Variants in NRG3 observed in about 807,000 individuals in gnomAD.
NRG3 encodes neuregulin 3.
NRG3 carries 31 observed loss-of-function variants against 66.9 expected under a neutral mutation model. That is an observed-to-expected ratio of 0.46 (90% confidence interval 0.35 to 0.63). The LOEUF is 0.63. Among genes scored for constraint, NRG3 ranks in the 20% least tolerant of loss-of-function variants. The pLI is 0.00. For synonymous variants in NRG3, 393 were observed against 359.4 expected (o/e 1.09, Z -1.06); for missense variants, 910 against 878.9 (o/e 1.04, Z -0.45).
chr10:82,028,384 T>G (rs1203778367), intron 1 of NRG3, among the ~76,000 whole-genome samples: 1 of 152,138 alleles, frequency 6.6e-6, no homozygotes, highest in Non-Finnish European at 1.5e-5. Context: ...GTTTGTTGCC[T>G]TCTGCTCTTC....
chr10:82,486,303 T>C (rs1328979062), intron 2 of NRG3, among the ~76,000 whole-genome samples: 2 of 152,226 alleles, frequency 1.3e-5, no homozygotes, highest in African/African-American at 4.8e-5. Context: ...TTCAAAGAGA[T>C]ATTTGTACTC....
intron 8 of NRG3, among the ~76,000 whole-genome samples, chr10:82,983,691 A>G (rs1281778496): frequency 6.6e-6 from 1 of 152,232 alleles, no homozygotes; most frequent in Non-Finnish European, 1.5e-5. Flanking sequence ...AGTTAATTGG[A>G]GTTGAAAGTG....
rs556484042 is a variant in NRG3 at position 82,322,066 on chromosome 10, T to A, written c.824-36673T>A. On this transcript the variant is annotated intron_variant, in intron 1 of 8. Coordinates refer to ENST00000372141, the MANE Select transcript of NRG3 (RefSeq NM_001010848.4). ...GATATTTTATTAGTATCTATTCTCC[T>A]GGCATAGTACAGTTTTTATTCTTCT... Among the ~76,000 whole-genome samples the A allele has an allele frequency of 2.0e-5, 3 of 152,346 alleles. No homozygotes were observed. In the East Asian group the frequency reaches 5.8e-4, roughly 29 times the overall value.
In NRG3 at chr10:82,597,645, G is replaced by A. The variant is rs978682348; in HGVS notation, c.954-140932G>A. Among the ~76,000 whole-genome samples the A allele has an allele frequency of 3.3e-5, 5 of 152,016 alleles. No homozygotes were observed. In the South Asian group the frequency reaches 6.2e-4, roughly 19 times the overall value. Reference sequence around the variant, plus strand: ...TGCTCTTAAAAGCTACTTGCTGGCCGGGAGCAGTTGCTCATGCCTGTAATC... The same window carrying A: ...TGCTCTTAAAAGCTACTTGCTGGCCAGGAGCAGTTGCTCATGCCTGTAATC... On this transcript the variant is annotated intron_variant, in intron 2 of 8. Coordinates refer to ENST00000372141, the MANE Select transcript of NRG3 (RefSeq NM_001010848.4).
chr10:82,182,498 A>C (rs1055581869), intron 1 of NRG3, among the ~76,000 whole-genome samples: 15 of 151,764 alleles, frequency 9.9e-5, no homozygotes, highest in Admixed American at 2.0e-4. Context: ...AACTTCAATC[A>C]CATACAAAAA....
At chr10:82,623,007 T>C (rs2133632373) in intron 2 of NRG3, among the ~76,000 whole-genome samples, 1 of 152,170 alleles carries the variant, frequency 6.6e-6, no homozygotes, top group African/African-American at 2.4e-5. Flanking sequence ...CATTGTAAGT[T>C]AAGGAGCATT....
chr10:81,929,647 C>T (rs940654138), intron 1 of NRG3, among the ~76,000 whole-genome samples: 1 of 152,180 alleles, frequency 6.6e-6, no homozygotes, highest in Non-Finnish European at 1.5e-5. Context: ...TTCCCTTGAA[C>T]AAAGGCAGGT....
intron 6 of NRG3, among the ~76,000 whole-genome samples, chr10:82,968,254 T>C (rs1294094888): frequency 3.3e-5 from 5 of 152,194 alleles, no homozygotes; most frequent in Admixed American, 2.6e-4. Context: ...TAGACTCTTA[T>C]CATGCTTCCA....
chr10:82,566,624 A>G (rs2045423005), intron 2 of NRG3, among the ~76,000 whole-genome samples: 1 of 152,010 alleles, frequency 6.6e-6, no homozygotes, highest in Non-Finnish European at 1.5e-5. Flanking sequence ...ATATGTTTAT[A>G]TCCCAAAATG....
chr10:82,699,239 AGAAGGAAAGAGGGAAG>A (rs1440205933), intron 2 of NRG3, among the ~76,000 whole-genome samples: 1 of 136,730 alleles, frequency 7.3e-6, no homozygotes. Flanking sequence ...AGAAAATAAA[AGAAGGAAAGAGGGAAG>A]GAAGGAAGGA....
At chr10:82,777,975 G>T (rs1446164760) in intron 3 of NRG3, among the ~76,000 whole-genome samples, 3 of 152,210 alleles carry the variant, frequency 2.0e-5, no homozygotes, top group South Asian at 4.1e-4. Flanking sequence ...GGGAAGCAAG[G>T]TGCTGAAGCT....
intron 1 of NRG3, among the ~76,000 whole-genome samples, chr10:82,198,001 A>G (rs150453926): frequency 4.1e-4 from 63 of 152,340 alleles, no homozygotes; most frequent in African/African-American, 1.5e-3. Flanking sequence ...ACATTTAATC[A>G]CAAATTTGTA....
intron 1 of NRG3, among the ~76,000 whole-genome samples, chr10:82,277,091 C>T (rs1420363081): frequency 6.6e-6 from 1 of 151,878 alleles, no homozygotes; most frequent in Non-Finnish European, 1.5e-5. Flanking sequence ...TTGTTTTTTA[C>T]TTTCTTTCAT....
At position 82,644,075 on chromosome 10, in the gene NRG3, A is replaced by G. The variant is rs536249520; in HGVS notation, c.954-94502A>G. Among the ~76,000 whole-genome samples the G allele has an allele frequency of 5.9e-5, 9 of 152,286 alleles. No homozygotes were observed. The South Asian group carries it at 1.7e-3, about 28-fold the overall frequency. On this transcript the variant is annotated intron_variant, in intron 2 of 8. Transcript: ENST00000372141. ...GGCTGGTCTGTTTCTACAGCAATAA[A>G]TCTTCCAATCTTCTGCCTTGTCTGC...
At chr10:82,825,793 A>C (rs909325852) in intron 3 of NRG3, among the ~76,000 whole-genome samples, 2 of 152,220 alleles carry the variant, frequency 1.3e-5, no homozygotes, top group Admixed American at 1.3e-4. Flanking sequence ...CATACGATTA[A>C]ATATTATAAA....
At chr10:82,730,137 G>A (rs573113971) in intron 2 of NRG3, among the ~76,000 whole-genome samples, 225 of 148,156 alleles carry the variant, frequency 1.5e-3, no homozygotes, top group Non-Finnish European at 2.8e-3. Context: ...CCAGGCTGGA[G>A]CGCAGGGGGT....
intron 2 of NRG3, among the ~76,000 whole-genome samples, chr10:82,531,048 T>G (rs112110705): frequency 0.02 from 2,976 of 151,804 alleles, 47 homozygotes; most frequent in Middle Eastern, 0.062. Context: ...TGTTTCAATA[T>G]GAAAAGAAAA....
At chr10:82,012,570 T>C (rs12778734) in intron 1 of NRG3, among the ~76,000 whole-genome samples, 1 of 152,146 alleles carries the variant, frequency 6.6e-6, no homozygotes, top group African/African-American at 2.4e-5. Flanking sequence ...TTTTATGCTC[T>C]ACTTCCCTTT....
chr10:82,537,485 G>T (rs1235355300), intron 2 of NRG3, among the ~76,000 whole-genome samples: 1 of 152,050 alleles, frequency 6.6e-6, no homozygotes, highest in Non-Finnish European at 1.5e-5. Context: ...TTAGTAACTG[G>T]CCTTGCCTTG....
Sources: allele counts gnomAD v4.1 joint callset (sites outside exome capture counted in the v4.1 genomes callset), GRCh38; gene constraint gnomAD v4.1.1; transcripts MANE v1.5; gene names NCBI Gene and HGNC (gene_info 2026-07-23, HGNC 2026-07-21).